The following RBFOX1 variants were observed in gnomAD, a reference collection of about 807,000 sequenced individuals.
RBFOX1 encodes the protein RNA binding fox-1 homolog 1.
In RBFOX1, 8 loss-of-function variants were observed where a neutral mutation model predicts 57.7. The observed-to-expected ratio is 0.14, with a 90% CI of 0.08 to 0.25. The LOEUF is 0.25. Among genes scored for constraint, RBFOX1 ranks in the 10% least tolerant of loss-of-function variants. The probability of loss-of-function intolerance (pLI) is 1.00; values close to 1 mark genes in which losing one functional copy is unlikely to be tolerated. For missense variants in RBFOX1, 611 were observed against 548.5 expected, an observed-to-expected ratio of 1.11 and a Z score of -1.14; for synonymous variants, 326 against 222.4, an observed-to-expected ratio of 1.47 and a Z score of -4.15.
intron 1 of RBFOX1, among the ~76,000 whole-genome samples, chr16:5,268,478 C>G (rs753287563): frequency 6.6e-6 from 1 of 152,220 alleles, no homozygotes; most frequent in Admixed American, 6.5e-5. Context: ...CAAGATTATA[C>G]GTGCAAATCC....
At chr16:6,701,887 G>T (rs769106964) in intron 3 of RBFOX1, among the ~76,000 whole-genome samples, 1 of 152,010 alleles carries the variant, frequency 6.6e-6, no homozygotes, top group African/African-American at 2.4e-5. Flanking sequence ...TTATAAATGC[G>T]ATCTAAACAC....
chr16:5,648,870 G>A (rs1333145695), intron 3 of RBFOX1, among the ~76,000 whole-genome samples: 2 of 151,938 alleles, frequency 1.3e-5, no homozygotes, highest in Admixed American at 1.3e-4. Flanking sequence ...TTGAGTCCAG[G>A]CTGGCCAACA....
intron 4 of RBFOX1, among the ~76,000 whole-genome samples, chr16:5,933,508 A>T (rs576005688): frequency 1.8e-4 from 27 of 152,282 alleles, no homozygotes; most frequent in African/African-American, 5.5e-4. Context: ...TGTTTTCCTG[A>T]TGTGAAAAAC....
intron 3 of RBFOX1, among the ~76,000 whole-genome samples, chr16:6,735,244 A>T (rs2069841082): frequency 6.6e-6 from 1 of 152,190 alleles, no homozygotes. Flanking sequence ...TAGAAAGGGT[A>T]TGGTTTGGGA....
At chr16:6,566,933 A>G (rs966429077) in intron 2 of RBFOX1, among the ~76,000 whole-genome samples, 1 of 152,210 alleles carries the variant, frequency 6.6e-6, no homozygotes, top group Non-Finnish European at 1.5e-5. Context: ...CAAAAAATTG[A>G]CATGTTGGAG....
intron 4 of RBFOX1, among the ~76,000 whole-genome samples, chr16:7,404,654 G>T (rs1451718613): frequency 1.3e-5 from 2 of 152,152 alleles, no homozygotes; most frequent in Admixed American, 1.3e-4. Context: ...TGCTGCCAGC[G>T]TTGGAAATAG....
intron 4 of RBFOX1, among the ~76,000 whole-genome samples, chr16:5,967,794 A>G (rs984375191): frequency 6.6e-6 from 1 of 152,144 alleles, no homozygotes; most frequent in Non-Finnish European, 1.5e-5. Context: ...TCAGAATTAT[A>G]ATACTCAGAC....
chr16:6,806,836 A>ATATATATATTTTTT (rs754342591), intron 3 of RBFOX1, among the ~76,000 whole-genome samples: 3 of 91,880 alleles, frequency 3.3e-5, no homozygotes, highest in African/African-American at 8.1e-5. Flanking sequence ...ATATATATAT[A>ATATATATATTTTTT]TTTTTTTTTT....
chr16:5,668,919 C>G (rs1040041872), intron 3 of RBFOX1, among the ~76,000 whole-genome samples: 1 of 152,122 alleles, frequency 6.6e-6, no homozygotes, highest in Non-Finnish European at 1.5e-5. Flanking sequence ...GATGGATACT[C>G]AGGCTTTGGT....
At chr16:6,237,086 T>G (rs898144190) in intron 1 of RBFOX1, among the ~76,000 whole-genome samples, 1 of 152,342 alleles carries the variant, frequency 6.6e-6, no homozygotes, top group South Asian at 2.1e-4. Context: ...AGTCTTCGGG[T>G]TTGCTTTTGT....
At chr16:7,077,639 G>A (rs1004788214) in intron 4 of RBFOX1, among the ~76,000 whole-genome samples, 15 of 152,204 alleles carry the variant, frequency 9.9e-5, no homozygotes, top group African/African-American at 1.4e-4. Context: ...AATTTGTACC[G>A]TATTAGTAGC....
chr16:6,527,129 A>G (rs2096591824), intron 2 of RBFOX1, among the ~76,000 whole-genome samples: 1 of 152,144 alleles, frequency 6.6e-6, no homozygotes, highest in Non-Finnish European at 1.5e-5. Context: ...ATTATTCAAT[A>G]TGTTAAAACC....
intron 3 of RBFOX1, among the ~76,000 whole-genome samples, chr16:6,916,302 C>A (rs573480699): frequency 6.6e-6 from 1 of 152,234 alleles, no homozygotes; most frequent in African/African-American, 2.4e-5. Flanking sequence ...ATAGTTTGTT[C>A]ATCCGTTGAT....
intron 2 of RBFOX1, among the ~76,000 whole-genome samples, chr16:6,611,813 C>T (rs868629911): frequency 1.3e-5 from 2 of 152,120 alleles, no homozygotes; most frequent in Non-Finnish European, 2.9e-5. Flanking sequence ...TGAGTCCTCC[C>T]TCAGGGCCCT....
chr16:7,533,740 G>C (rs2080751042), intron 5 of RBFOX1, among the ~76,000 whole-genome samples: 1 of 152,128 alleles, frequency 6.6e-6, no homozygotes, highest in Admixed American at 6.5e-5. Context: ...AATGTGTATT[G>C]TTTCCACATC....
chr16:5,581,692 A>G (rs550032752), intron 2 of RBFOX1, among the ~76,000 whole-genome samples: 39 of 152,322 alleles, frequency 2.6e-4, no homozygotes, highest in African/African-American at 8.7e-4. Flanking sequence ...GGAACTCTCC[A>G]AGCCAGGGTG....
At chr16:6,023,658 A>G (rs890086302) in intron 1 of RBFOX1, among the ~76,000 whole-genome samples, 3 of 152,220 alleles carry the variant, frequency 2.0e-5, no homozygotes, top group African/African-American at 7.2e-5. Context: ...TCTGAAGGAC[A>G]GAGGGCAGCT....
intron 3 of RBFOX1, among the ~76,000 whole-genome samples, chr16:6,889,912 C>G (rs575955628): frequency 1.4e-3 from 212 of 152,230 alleles, no homozygotes; most frequent in South Asian, 2.5e-3. Context: ...GTATAGCATT[C>G]AAAACAAAAT....
At chr16:6,700,715 C>T (rs760133677) in intron 3 of RBFOX1, among the ~76,000 whole-genome samples, 23 of 151,996 alleles carry the variant, frequency 1.5e-4, no homozygotes, top group African/African-American at 3.4e-4. Flanking sequence ...TTCGTGAAAC[C>T]GAGTCACCTG....
Sources: allele counts gnomAD v4.1 joint callset (sites outside exome capture counted in the v4.1 genomes callset), GRCh38; gene constraint gnomAD v4.1.1; transcripts MANE v1.5; gene names NCBI Gene and HGNC (gene_info 2026-07-23, HGNC 2026-07-21).